BLTP1: variants seen among roughly 807,000 people sequenced by gnomAD.
The protein encoded by BLTP1 is fragile site-associated protein.
the BLTP1 span, chr4:122,201,278 T>G: frequency 1.6e-6 from 1 of 644,736 alleles, no homozygotes; most frequent in Non-Finnish European, 2.5e-6. Flanking sequence ...AAGAGAAAAT[T>G]TAAATATAGA....
chr4:122,223,299 T>C, the BLTP1 span, among the ~76,000 whole-genome samples: 2 of 152,164 alleles, frequency 1.3e-5, no homozygotes, highest in African/African-American at 4.8e-5. Flanking sequence ...CAAAGAACAC[T>C]AACCCTGTGA....
chr4:122,293,205 T>A, the BLTP1 span: 2 of 979,724 alleles, frequency 2.0e-6, no homozygotes, highest in Non-Finnish European at 2.4e-6. Flanking sequence ...GGGCCATATT[T>A]ATACTATGAA....
At chr4:122,330,995 A>G in the BLTP1 span, 2 of 973,574 alleles carry the variant, frequency 2.1e-6, no homozygotes, top group Non-Finnish European at 2.4e-6. Context: ...TCTGTCTTTA[A>G]TAAAATCTGG....
chr4:122,247,887 T>C, the BLTP1 span: 1 of 969,530 alleles, frequency 1.0e-6, no homozygotes, highest in East Asian at 1.1e-4. Context: ...GCACATTTTA[T>C]CATTTAGATG....
At chr4:122,180,985 T>A in the BLTP1 span, among the ~76,000 whole-genome samples, 144 of 152,340 alleles carry the variant, frequency 9.5e-4, no homozygotes, top group Non-Finnish European at 1.1e-3. Context: ...TAAGAATTTC[T>A]TGTGGTTAAG....
chr4:122,362,317 T>TAATA, the BLTP1 span: 1 of 1,192,880 alleles, frequency 8.4e-7, no homozygotes, highest in Non-Finnish European at 1.2e-6. Flanking sequence ...TTTTTTAGTA[T>TAATA]AATAATTTGA....
chr4:122,242,945 A>G, the BLTP1 span: 1 of 1,112,948 alleles, frequency 9.0e-7, no homozygotes. Context: ...AGTTGATATC[A>G]TAAAATTAGG....
the BLTP1 span, chr4:122,336,938 A>T: frequency 6.2e-7 from 1 of 1,612,372 alleles, no homozygotes; most frequent in Non-Finnish European, 8.5e-7. Flanking sequence ...CCTATGGAAG[A>T]ATCAACAACA....
At chr4:122,302,310 T>C in the BLTP1 span, 3 of 922,006 alleles carry the variant, frequency 3.3e-6, no homozygotes, top group Non-Finnish European at 3.9e-6. Flanking sequence ...TACCTTGTTT[T>C]ATTGCACTTC....
the BLTP1 span, chr4:122,336,819 A>G: frequency 1.5e-5 from 22 of 1,503,684 alleles, no homozygotes; most frequent in Non-Finnish European, 1.9e-5. Flanking sequence ...AACAATAAGG[A>G]TCTTTTAATA....
At chr4:122,187,645 TGTGA>T in the BLTP1 span, 3 of 911,566 alleles carry the variant, frequency 3.3e-6, no homozygotes, top group Non-Finnish European at 4.8e-6. Flanking sequence ...TTCTGTATAG[TGTGA>T]GTGAAATAAT....
chr4:122,280,289 A>G, the BLTP1 span: 1 of 555,008 alleles, frequency 1.8e-6, no homozygotes. Flanking sequence ...TTCCAGGACC[A>G]TGTCAATCCT....
chr4:122,222,193 G>T, the BLTP1 span, among the ~76,000 whole-genome samples: 2 of 152,086 alleles, frequency 1.3e-5, no homozygotes, highest in African/African-American at 2.4e-5. Flanking sequence ...ACATTCTATA[G>T]TGTTGACACG....
the BLTP1 span, chr4:122,279,842 A>G: frequency 2.5e-6 from 4 of 1,614,118 alleles, no homozygotes; most frequent in South Asian, 1.1e-5. Flanking sequence ...GCTGAAGACA[A>G]ACAATGCTGC....
At chr4:122,336,116 CTT>C in the BLTP1 span, 1 of 1,254,030 alleles carries the variant, frequency 8.0e-7, no homozygotes, top group African/African-American at 1.5e-5. Context: ...CTTGATTAAA[CTT>C]TAATATAATT....
the BLTP1 span, among the ~76,000 whole-genome samples, chr4:122,205,580 C>CTG: frequency 1.3e-5 from 2 of 150,690 alleles, no homozygotes; most frequent in Admixed American, 1.3e-4. Context: ...CCCTCTCTCT[C>CTG]TCTCTCTCTA....
chr4:122,269,789 C>T, the BLTP1 span: 3 of 526,034 alleles, frequency 5.7e-6, no homozygotes, highest in Non-Finnish European at 7.3e-6. Context: ...AGTCCTCATA[C>T]ATGATAGTTT....
chr4:122,201,182 A>G, the BLTP1 span: 1 of 1,370,380 alleles, frequency 7.3e-7, no homozygotes, highest in Admixed American at 2.2e-5. Context: ...ACTTGTTTAC[A>G]TTTGATAAGT....
chr4:122,293,233 CA>C, the BLTP1 span: 21 of 940,866 alleles, frequency 2.2e-5, no homozygotes, highest in Admixed American at 6.2e-5. Context: ...TTGATTGACA[CA>C]AAAGTAGGAC....
Sources: allele counts gnomAD v4.1 joint callset (sites outside exome capture counted in the v4.1 genomes callset), GRCh38; gene constraint gnomAD v4.1.1; transcripts MANE v1.5; gene names NCBI Gene and HGNC (gene_info 2026-07-23, HGNC 2026-07-21).